EPDR1: variants seen among roughly 807,000 people sequenced by gnomAD.
EPDR1 encodes ependymin related 1.
Under a neutral mutation model 23.7 loss-of-function variants are expected in EPDR1, and 27 were observed. The ratio of observed to expected loss-of-function variants is 1.14; its 90% CI spans 0.84 to 1.57. The LOEUF (loss-of-function observed/expected upper bound fraction) is 1.57. EPDR1 is among the 40% of genes most tolerant of loss of function. EPDR1 has a pLI of 0.00. For synonymous variants in EPDR1, 137 were observed against 118.2 expected, an observed-to-expected ratio of 1.16 and a Z score of -1.03; for missense variants, 349 against 290.4, an observed-to-expected ratio of 1.20 and a Z score of -1.47.
At position 37,921,046 on chromosome 7, in the gene EPDR1, T is replaced by C; in HGVS notation, c.107T>C (p.Val36Ala). The C allele has an allele frequency of 6.5e-7, 1 of 1,535,840 alleles. No individual in the cohort carries two copies. The highest frequency in any genetic ancestry group is 8.7e-7 in the Non-Finnish European group (1 of 1,146,606). The stretch of plus-strand genomic sequence containing the variant: ...TGCGGCCTGTGCAGCCTGGGGGCGG[T>C]GGGAGCCCCGCGCCCGTGCCAGGCG... ...TLCGLCSLGA[V>A]GAPRPCQAPQ... is the part of the protein sequence containing the mutation. Residue 36 changes from valine to alanine, a missense_variant, in exon 1 of 3, where the codon GTG (valine) becomes GCG (alanine). By Grantham distance (64) the Val-to-Ala change is moderately conservative. Transcript: ENST00000199448.
chr7:37,934,936 C>G (rs1231523671), intron 1 of EPDR1, among the ~76,000 whole-genome samples: 1 of 150,180 alleles, frequency 6.7e-6, no homozygotes, highest in East Asian at 2.0e-4. Context: ...CAGAGTGACA[C>G]TTTGTCTTTA....
At chr7:37,943,466 T>C (rs904334827) in intron 1 of EPDR1, among the ~76,000 whole-genome samples, 2 of 152,224 alleles carry the variant, frequency 1.3e-5, no homozygotes, top group Non-Finnish European at 2.9e-5. Context: ...ATTCTATTTG[T>C]GATGCAGAGA....
At chr7:37,946,265 G>A (rs1695785630) in intron 1 of EPDR1, among the ~76,000 whole-genome samples, 1 of 152,132 alleles carries the variant, frequency 6.6e-6, no homozygotes, top group Admixed American at 6.5e-5. Context: ...GGATTGGTGG[G>A]TTGATGGTAT....
At chr7:37,937,659 A>G (rs766757977) in intron 1 of EPDR1, among the ~76,000 whole-genome samples, 7 of 152,196 alleles carry the variant, frequency 4.6e-5, no homozygotes, top group Non-Finnish European at 8.8e-5. Flanking sequence ...AGGGGGCACA[A>G]TGGAGGCTTC....
At chr7:37,946,500 T>A in intron 1 of EPDR1, among the ~76,000 whole-genome samples, 2 of 152,346 alleles carry the variant, frequency 1.3e-5, no homozygotes, top group Middle Eastern at 3.4e-3. Flanking sequence ...GGGCTTTTTT[T>A]CCTATGTTTG....
In EPDR1 at chr7:37,933,976, C is replaced by CTTTTTTTT. The variant is rs576903776; in HGVS notation, c.269+12779_269+12786dup. On this transcript the variant is annotated intron_variant, in intron 1 of 2. Coordinates refer to ENST00000199448, the MANE Select transcript of EPDR1 (RefSeq NM_017549.5). Reference sequence around the variant, plus strand: ...ATCTGCATCCACTTATTCTGCCATTCTTTTTTTTTTTTTTTTTTGAGACGG... The same window carrying CTTTTTTTT: ...ATCTGCATCCACTTATTCTGCCATTCTTTTTTTTTTTTTTTTTTTTTTTTTTGAGACGG... Among the ~76,000 whole-genome samples, 74 of 133,328 alleles carry CTTTTTTTT rather than the reference C, an allele frequency of 5.6e-4. No homozygotes were observed. In the East Asian group the frequency reaches 0.016, roughly 28 times the overall value. 87.5% of individuals were successfully genotyped at this position (133,328 alleles called of 152,430 possible).
chr7:37,945,991 C>T (rs1433066583), intron 1 of EPDR1, among the ~76,000 whole-genome samples: 1 of 152,220 alleles, frequency 6.6e-6, no homozygotes, highest in African/African-American at 2.4e-5. Flanking sequence ...TTTTCCGTTT[C>T]TGTGTTAATT....
At chr7:37,934,493 T>C (rs1786011063) in intron 1 of EPDR1, among the ~76,000 whole-genome samples, 1 of 152,128 alleles carries the variant, frequency 6.6e-6, no homozygotes, top group East Asian at 1.9e-4. Context: ...TCCAGAGGAT[T>C]ATCTCTCATT....
At chr7:37,925,201 T>C (rs910644308) in intron 1 of EPDR1, among the ~76,000 whole-genome samples, 4 of 152,224 alleles carry the variant, frequency 2.6e-5, no homozygotes, top group African/African-American at 9.7e-5. Flanking sequence ...ATTTTCATAT[T>C]TCAGGCAGCA....
At chr7:37,939,125 CCCACCA>C (rs1786116791) in intron 1 of EPDR1, among the ~76,000 whole-genome samples, 1 of 151,806 alleles carries the variant, frequency 6.6e-6, no homozygotes, top group African/African-American at 2.4e-5. Flanking sequence ...AATACAGGCG[CCCACCA>C]CCACACCCGG....
intron 1 of EPDR1, among the ~76,000 whole-genome samples, chr7:37,935,005 A>T (rs758643020): frequency 7.2e-5 from 11 of 152,228 alleles, no homozygotes; most frequent in Admixed American, 6.5e-5. Context: ...GAGTGTAACC[A>T]CTATTTATAT....
Position 37,951,223 on chromosome 7 carries a change from T to C in EPDR1, c.*827T>C, listed in dbSNP as rs1209996035. 2 of 152,168 alleles carry C rather than the reference T, an allele frequency of 1.3e-5. No individual in the cohort carries two copies. Among genetic ancestry groups the C allele is most frequent in the Non-Finnish European group, 2.9e-5 (2 of 68,030 alleles). The allele number at this position is 152,168 out of a possible 1,614,324, so 9.4% of individuals were successfully genotyped here. ...TGAACAGGGAGTCAGGAGACTATTG[T>C]CTCCTAAACCCAGGACTAGAGTTCC... On this transcript the variant is annotated 3_prime_UTR_variant, in exon 3 of 3. Transcript: ENST00000199448.
intron 1 of EPDR1, among the ~76,000 whole-genome samples, chr7:37,937,985 A>ATTTTTTTTTTTTTTTTTTTTTTTCTT (rs35752051): frequency 1.4e-5 from 1 of 72,424 alleles, no homozygotes; most frequent in Non-Finnish European, 2.7e-5. Context: ...TGCCCTTTAA[A>ATTTTTTTTTTTTTTTTTTTTTTTCTT]TTTTTTTTTT....
intron 1 of EPDR1, among the ~76,000 whole-genome samples, chr7:37,944,194 A>G (rs977693267): frequency 2.0e-5 from 3 of 152,244 alleles, no homozygotes; most frequent in Admixed American, 6.5e-5. Context: ...GGAAATGAAC[A>G]GCTGTTGGAA....
intron 1 of EPDR1, among the ~76,000 whole-genome samples, chr7:37,938,115 C>T (rs1786095828): frequency 6.6e-6 from 1 of 151,086 alleles, no homozygotes; most frequent in Non-Finnish European, 1.5e-5. Flanking sequence ...CTCAGCCTCC[C>T]AAGTAGCTGG....
At chr7:37,924,530 A>G (rs1299649050) in intron 1 of EPDR1, among the ~76,000 whole-genome samples, 1 of 152,046 alleles carries the variant, frequency 6.6e-6, no homozygotes, top group Non-Finnish European at 1.5e-5. Context: ...TGTGTTTTAT[A>G]CCTTTAGTGG....
At position 37,950,309 on chromosome 7, in the gene EPDR1, G is replaced by C. The variant is rs141617612; in HGVS notation, c.588G>C (p.Leu196=). 1.2e-5 allele frequency: 19 copies of C among 1,614,022 alleles called. No individual in the cohort carries two copies. In the East Asian group the frequency reaches 2.0e-4, roughly 17 times the overall value. The change falls in exon 3 of 3, where the codon CTG becomes CTC. Residue 196 remains leucine (L), a synonymous_variant. Coordinates refer to ENST00000199448, the MANE Select transcript of EPDR1 (RefSeq NM_017549.5). ...CTACGCGGTTTTTTGACATCCAGCT[G>C]GGTATTAAAGACCCCTCGGTGTTTA... is the stretch of plus-strand genomic sequence containing the variant. The part of the protein sequence containing the change: ...ILSTRFFDIQ[L]GIKDPSVFTP...
rs868211612 is a variant in EPDR1 at position 37,921,759 on chromosome 7, G to C, written c.269+551G>C. ...AAATTGTTACAGCATTAAAATTTTG[G>C]TCTACTCCTTTTAAGTTTTTTGTTT... On this transcript the variant is annotated intron_variant, in intron 1 of 2. Coordinates refer to ENST00000199448, the MANE Select transcript of EPDR1 (RefSeq NM_017549.5). Among the ~76,000 whole-genome samples, 5 of 152,168 alleles carry C rather than the reference G, an allele frequency of 3.3e-5. 1 individual carries two copies. In the Middle Eastern group the frequency reaches 0.01, roughly 311 times the overall value.
chr7:37,937,984 A>ATTTTTTTTTTTTTTTTTTTTTTTTT (rs1347900474), intron 1 of EPDR1, among the ~76,000 whole-genome samples: 8 of 62,240 alleles, frequency 1.3e-4, no homozygotes, highest in Admixed American at 4.2e-4. Flanking sequence ...GTGCCCTTTA[A>ATTTTTTTTTTTTTTTTTTTTTTTTT]ATTTTTTTTT....
Sources: gnomAD v4.1 joint callset for allele counts (sites outside exome capture counted in the v4.1 genomes callset) on GRCh38, gnomAD v4.1.1 for gene constraint, MANE v1.5 for transcripts, NCBI Gene and HGNC (gene_info 2026-07-23, HGNC 2026-07-21) for gene names.